The following DNAH6 variants were observed in gnomAD, a reference collection of about 807,000 sequenced individuals.
The protein encoded by DNAH6 is axonemal beta dynein heavy chain 6.
DNAH6 carries 340 observed loss-of-function variants against 491.4 expected under a neutral mutation model. The observed-to-expected ratio is 0.69, with a 90% CI of 0.63 to 0.76. The LOEUF (loss-of-function observed/expected upper bound fraction) is 0.76, where lower values mean the gene tolerates loss of function less well. DNAH6 is among the 30% of genes least tolerant of loss of function. The pLI is 0.00. For missense variants in DNAH6, 4,443 were observed against 4,972.2 expected (o/e 0.89, Z 3.20); for synonymous variants, 1,603 against 1,686.1 (o/e 0.95, Z 1.21).
intron 21 of DNAH6, among the ~76,000 whole-genome samples, chr2:84,610,767 T>C (rs1315930021): frequency 6.6e-6 from 1 of 152,228 alleles, no homozygotes; most frequent in Non-Finnish European, 1.5e-5. Context: ...GAGAACTTTC[T>C]CAGAAATTCA....
intron 13 of DNAH6, 76 bp from the exon 14 acceptor site, chr2:84,579,451 A>G (rs914376340): frequency 2.6e-6 from 4 of 1,514,482 alleles, no homozygotes; most frequent in East Asian, 2.3e-5. Context: ...AACAAATCCA[A>G]TTAGGATTTG....
At chr2:84,786,224 A>G (rs1014164760) in intron 67 of DNAH6, among the ~76,000 whole-genome samples, 1 of 152,078 alleles carries the variant, frequency 6.6e-6, no homozygotes, top group Non-Finnish European at 1.5e-5. Flanking sequence ...CCAGGAGTTC[A>G]AGACCAGTCT....
At chr2:84,507,636 T>A in the DNAH6 span, among the ~76,000 whole-genome samples, 1 of 152,176 alleles carries the variant, frequency 6.6e-6, no homozygotes. Context: ...GGCATCCCTG[T>A]CTTGTGCCAG....
rs1352552985 is a variant in DNAH6, at chr2:84,594,154, G to T, written c.2724+69G>T. On this transcript the variant is annotated intron_variant, in intron 17 of 76. Coordinates refer to ENST00000389394, the MANE Select transcript of DNAH6 (RefSeq NM_001370.2). Reference sequence around the variant, plus strand: ...ATTAATCTTAAAATTCTAATAATTTGAATTATAACTTTTAACAATCTGGTG... The same window carrying T: ...ATTAATCTTAAAATTCTAATAATTTTAATTATAACTTTTAACAATCTGGTG... 4 of 864,498 alleles carry T rather than the reference G, an allele frequency of 4.6e-6. No individual in the cohort carries two copies. The South Asian group carries it at 5.0e-5, about 11-fold the overall frequency. 53.6% of individuals were successfully genotyped at this position (864,498 alleles called of 1,614,324 possible).
intron 37 of DNAH6, among the ~76,000 whole-genome samples, chr2:84,668,053 A>G (rs1338705123): frequency 1.3e-5 from 2 of 152,092 alleles, no homozygotes; most frequent in Non-Finnish European, 2.9e-5. Flanking sequence ...GAACACTTGG[A>G]CACAGGGTGG....
At chr2:84,670,670 T>C (rs947082953) in intron 39 of DNAH6, among the ~76,000 whole-genome samples, 195 bp downstream of exon 39, 1 of 152,228 alleles carries the variant, frequency 6.6e-6, no homozygotes, top group Admixed American at 6.5e-5. Flanking sequence ...TTTATTTCTG[T>C]CATCACCTTC....
intron 30 of DNAH6, among the ~76,000 whole-genome samples, chr2:84,636,936 T>C (rs1046959958): frequency 6.6e-6 from 1 of 151,648 alleles, no homozygotes; most frequent in Non-Finnish European, 1.5e-5. Flanking sequence ...GCTCAGTATA[T>C]GTTCAGACCT....
intron 3 of DNAH6, among the ~76,000 whole-genome samples, chr2:84,527,176 G>T (rs936230965): frequency 1.3e-5 from 2 of 152,176 alleles, no homozygotes; most frequent in Admixed American, 1.3e-4. Context: ...AGGAAGGAAA[G>T]TTGGAGGCCT....
At chr2:84,755,710 G>C (rs1673943135) in intron 63 of DNAH6, among the ~76,000 whole-genome samples, 1 of 152,082 alleles carries the variant, frequency 6.6e-6, no homozygotes, top group African/African-American at 2.4e-5. Context: ...GCAGATCCTT[G>C]CCTTGTTCCT....
intron 70 of DNAH6, among the ~76,000 whole-genome samples, chr2:84,798,745 T>A (rs1678580947): frequency 6.6e-6 from 1 of 152,160 alleles, no homozygotes; most frequent in African/African-American, 2.4e-5. Flanking sequence ...TCCACGGCCC[T>A]GCCTGAGTGT....
chr2:84,579,460 TGTCTGAAA>T, intron 13 of DNAH6, 59 bp from the exon 14 acceptor site: 1 of 1,537,760 alleles, frequency 6.5e-7, no homozygotes, highest in Non-Finnish European at 8.9e-7. Context: ...AATTAGGATT[TGTCTGAAA>T]TACATAATAA....
rs1278356587 is a variant in DNAH6 at position 84,625,200 on chromosome 2, G to C, written c.4515+137G>C. On this transcript the variant is annotated intron_variant, in intron 29 of 76. Transcript: ENST00000389394. The stretch of plus-strand genomic sequence containing the variant: ...AGAAATGGGGTAAATAATGGTTAAA[G>C]TGGAATAAATAGAGCAAGGGAGAAG... 5.9e-6 allele frequency: 5 copies of C among 849,916 alleles called. No individual in the cohort carries two copies. In the African/African-American group the frequency reaches 8.8e-5, roughly 15 times the overall value. 52.6% of individuals were successfully genotyped at this position (849,916 alleles called of 1,614,324 possible).
intron 59 of DNAH6, among the ~76,000 whole-genome samples, chr2:84,722,308 TAGG>T (rs1442612100): frequency 6.6e-6 from 1 of 152,116 alleles, no homozygotes; most frequent in Non-Finnish European, 1.5e-5. Context: ...CGGGAGCAAT[TAGG>T]AGTGCTGTGA....
chr2:84,652,742 C>CT (rs1265785184), intron 33 of DNAH6, among the ~76,000 whole-genome samples: 2 of 152,012 alleles, frequency 1.3e-5, no homozygotes, highest in African/African-American at 4.8e-5. Context: ...GATTTAGCTT[C>CT]TTTTTTCCCA....
Position 84,796,319 on chromosome 2 carries a change from T to C in DNAH6, c.11253T>C (p.Tyr3751=), listed in dbSNP as rs1013903564. 7.4e-6 allele frequency: 11 copies of C among 1,494,588 alleles called. No homozygotes were observed. In the African/African-American group the frequency reaches 1.4e-4, roughly 19 times the overall value. The allele number at this position is 1,494,588 out of a possible 1,614,324, so 92.6% of individuals were successfully genotyped here. Residue 3751 remains tyrosine, a synonymous_variant, in exon 69 of 77, where the codon TAT becomes TAC. Coordinates refer to ENST00000389394, the MANE Select transcript of DNAH6 (RefSeq NM_001370.2). ...ALIYITGEIT[Y]GGRVTDSWDQ... ...ATTTCTTTTCAGGTGAAATTACTTATGGTGGTAGAGTCACAGACAGCTGGG... is the reference window on the plus strand; with the variant it reads ...ATTTCTTTTCAGGTGAAATTACTTACGGTGGTAGAGTCACAGACAGCTGGG...
chr2:84,517,403 C>T (rs545879792), intron 1 of DNAH6, among the ~76,000 whole-genome samples: 1 of 152,208 alleles, frequency 6.6e-6, no homozygotes, highest in South Asian at 2.1e-4. Flanking sequence ...AGTACCTATA[C>T]TGTATTTTTC....
chr2:84,692,414 AAGGTAGATAGATAGATAGATAGATAGAT>A (rs1426458835), intron 45 of DNAH6, among the ~76,000 whole-genome samples: 2 of 144,472 alleles, frequency 1.4e-5, no homozygotes, highest in Non-Finnish European at 3.0e-5. Context: ...CAATATAAAT[AAGGTAGATAGATAGATAGATAGATAGAT>A]AGATAGATAG....
chr2:84,766,138 C>T (rs532660113), intron 64 of DNAH6, among the ~76,000 whole-genome samples: 27 of 151,788 alleles, frequency 1.8e-4, no homozygotes, highest in African/African-American at 6.0e-4. Context: ...TTAACACATC[C>T]GATAGAAACT....
intron 11 of DNAH6, 39 bp downstream of exon 11, chr2:84,557,974 C>T (rs773212984): frequency 7.6e-6 from 10 of 1,324,422 alleles, no homozygotes; most frequent in Non-Finnish European, 1.0e-5. Context: ...ATAATATTCT[C>T]AATTTTTATG....
Sources: gnomAD v4.1 joint callset for allele counts (sites outside exome capture counted in the v4.1 genomes callset) on GRCh38, gnomAD v4.1.1 for gene constraint, MANE v1.5 for transcripts, NCBI Gene and HGNC (gene_info 2026-07-23, HGNC 2026-07-21) for gene names.